ACCSL: variants seen among roughly 807,000 people sequenced by gnomAD.
ACCSL encodes 1-aminocyclopropane-1-carboxylate synthase homolog (inactive) like, also known as probable inactive 1-aminocyclopropane-1-carboxylate synthase-like protein 2.
In ACCSL, 55 loss-of-function variants were observed where a neutral mutation model predicts 61.7. That is an observed-to-expected ratio of 0.89 (90% CI 0.72 to 1.12). The LOEUF (loss-of-function observed/expected upper bound fraction) is 1.12, where lower values mean the gene tolerates loss of function less well. ACCSL is among the 50% of genes most tolerant of loss of function. The probability of loss-of-function intolerance (pLI) is 0.00; values close to 1 mark genes in which losing one functional copy is unlikely to be tolerated. For missense variants in ACCSL, 632 were observed against 698.0 expected (o/e 0.91, Z 1.07); for synonymous variants, 258 against 264.3 (o/e 0.98, Z 0.23).
chr11:44,047,781 T>A (rs1007252239), upstream of ACCSL, among the ~76,000 whole-genome samples: 1 of 152,238 alleles, frequency 6.6e-6, no homozygotes, highest in South Asian at 2.1e-4. Flanking sequence ...CACATCCTAA[T>A]GCCATTTAAA....
chr11:43,987,065 C>T, the ACCSL span, among the ~76,000 whole-genome samples: 3 of 152,112 alleles, frequency 2.0e-5, no homozygotes, highest in South Asian at 2.1e-4. Context: ...TGGCTGCTCT[C>T]CCCAGTGACC....
At chr11:43,964,628 ACCAAAG>A in the ACCSL span, among the ~76,000 whole-genome samples, 4 of 152,164 alleles carry the variant, frequency 2.6e-5, no homozygotes, top group East Asian at 7.7e-4. Flanking sequence ...TTAACCTGAT[ACCAAAG>A]CCAAAGACAC....
At chr11:44,013,785 T>C in the ACCSL span, among the ~76,000 whole-genome samples, 1 of 49,802 alleles carries the variant, frequency 2.0e-5, no homozygotes, top group South Asian at 5.3e-4. Context: ...GACTGCTTGG[T>C]CACCCTTGAT....
chr11:44,013,008 G>A, the ACCSL span, among the ~76,000 whole-genome samples: 4 of 152,148 alleles, frequency 2.6e-5, no homozygotes, highest in Non-Finnish European at 5.9e-5. Context: ...GCCCAGTGCC[G>A]GGAGCATGGT....
the ACCSL span, among the ~76,000 whole-genome samples, chr11:44,005,663 C>G: frequency 3.9e-5 from 6 of 152,108 alleles, no homozygotes; most frequent in Admixed American, 2.6e-4. Context: ...CTGGCTTCCC[C>G]GGACGTGCCC....
chr11:43,978,704 G>A, the ACCSL span, among the ~76,000 whole-genome samples: 1 of 151,062 alleles, frequency 6.6e-6, no homozygotes, highest in Non-Finnish European at 1.5e-5. Context: ...AGGCTCACTG[G>A]GATTGATGGA....
At chr11:43,930,328 T>C in the ACCSL span, among the ~76,000 whole-genome samples, 1 of 152,112 alleles carries the variant, frequency 6.6e-6, no homozygotes, top group Non-Finnish European at 1.5e-5. Flanking sequence ...AATGTAGGGG[T>C]TGAGCCATGA....
At chr11:44,043,103 A>G (rs900216494), upstream of ACCSL, among the ~76,000 whole-genome samples, 5 of 152,096 alleles carry the variant, frequency 3.3e-5, no homozygotes, top group African/African-American at 1.2e-4. Context: ...GTATTTAGCT[A>G]TTTATATTCT....
chr11:43,937,884 C>T, the ACCSL span, among the ~76,000 whole-genome samples: 119 of 152,314 alleles, frequency 7.8e-4, no homozygotes, highest in African/African-American at 2.7e-3. Flanking sequence ...CTCAGCTCCA[C>T]GTGGTCATTT....
the ACCSL span, among the ~76,000 whole-genome samples, chr11:43,968,706 C>A: frequency 6.6e-6 from 1 of 152,178 alleles, no homozygotes; most frequent in African/African-American, 2.4e-5. Context: ...CTTTTACCCT[C>A]AACTTAGTGC....
chr11:43,965,755 T>A, the ACCSL span, among the ~76,000 whole-genome samples: 1 of 152,176 alleles, frequency 6.6e-6, no homozygotes, highest in African/African-American at 2.4e-5. Context: ...AGGATAAACA[T>A]GTAGATCATG....
the ACCSL span, among the ~76,000 whole-genome samples, chr11:43,949,255 G>A: frequency 6.6e-6 from 1 of 152,222 alleles, no homozygotes; most frequent in Non-Finnish European, 1.5e-5. Flanking sequence ...CTTGGCACAG[G>A]GGAGGGTGGT....
At chr11:44,050,757 G>C in intron 3 of ACCSL, 135 bp downstream of exon 3, 1 of 726,624 alleles carries the variant, frequency 1.4e-6, no homozygotes. Flanking sequence ...AAAATGCCTA[G>C]AGCAAAACTT....
At chr11:44,011,031 C>T in the ACCSL span, among the ~76,000 whole-genome samples, 1 of 152,220 alleles carries the variant, frequency 6.6e-6, no homozygotes, top group East Asian at 1.9e-4. Context: ...ACCTGGGGCG[C>T]TTCCAATATT....
At chr11:43,953,209 C>A in the ACCSL span, among the ~76,000 whole-genome samples, 2 of 152,022 alleles carry the variant, frequency 1.3e-5, no homozygotes, top group Admixed American at 6.6e-5. Flanking sequence ...GTCACACAGA[C>A]CTTGCTGATA....
At position 44,051,338 on chromosome 11, in the gene ACCSL, G is replaced by T; in HGVS notation, c.639G>T (p.Leu213=). ...QYPDWRGQPF[L]REEVARFLTY... ...GTCTCTCTGGGTCTGTTTACAGCCT[G>T]CGGGAAGAAGTGGCCCGGTTCCTGA... The change falls in exon 4 of 14, where the codon CTG becomes CTT. Residue 213 remains leucine, a synonymous_variant. Coordinates refer to ENST00000378832, the MANE Select transcript of ACCSL (RefSeq NM_001031854.2). 1 of 1,614,220 alleles carries T rather than the reference G, an allele frequency of 6.2e-7. No homozygotes were observed. Among genetic ancestry groups the T allele is most frequent in the Non-Finnish European group, 8.5e-7 (1 of 1,180,040 alleles).
the ACCSL span, among the ~76,000 whole-genome samples, chr11:43,963,612 G>A: frequency 6.6e-6 from 1 of 152,174 alleles, no homozygotes; most frequent in East Asian, 1.9e-4. Context: ...ATAGAGTTGT[G>A]TTTTCTCTCA....
At chr11:44,055,409 AG>A (rs750080238) in intron 9 of ACCSL, 118 bp downstream of exon 9, 6 of 648,308 alleles carry the variant, frequency 9.3e-6, no homozygotes, top group Non-Finnish European at 1.3e-5. Context: ...AACTGCCCAC[AG>A]GGCCTGTGAA....
At chr11:44,013,406 A>G in the ACCSL span, among the ~76,000 whole-genome samples, 1 of 151,994 alleles carries the variant, frequency 6.6e-6, no homozygotes, top group African/African-American at 2.4e-5. Flanking sequence ...CAGACTCCCA[A>G]GTAGCCTGGA....
Sources: gnomAD v4.1 joint callset for allele counts (sites outside exome capture counted in the v4.1 genomes callset) on GRCh38, gnomAD v4.1.1 for gene constraint, MANE v1.5 for transcripts, NCBI Gene and HGNC (gene_info 2026-07-23, HGNC 2026-07-21) for gene names.